The following LYZL4 variants were observed in gnomAD, a reference collection of about 807,000 sequenced individuals.
LYZL4 encodes the protein lysozyme-like protein 4.
In LYZL4, 13 loss-of-function variants were observed where a neutral mutation model predicts 17.6. The ratio of observed to expected loss-of-function variants is 0.74; its 90% CI spans 0.48 to 1.18. LYZL4 has a LOEUF of 1.18. Among genes scored for constraint, LYZL4 ranks in the 50% most tolerant of loss-of-function variants. LYZL4 has a pLI of 0.00. For synonymous variants in LYZL4, 64 were observed against 67.7 expected (o/e 0.95, Z 0.27); for missense variants, 174 against 188.2 (o/e 0.92, Z 0.44).
the LYZL4 span, among the ~76,000 whole-genome samples, chr3:42,362,656 C>T: frequency 8.5e-5 from 13 of 152,168 alleles, no homozygotes; most frequent in Non-Finnish European, 1.0e-4. Flanking sequence ...AGGGCTCCAC[C>T]CTCACGACCT....
At chr3:42,381,995 G>A in the LYZL4 span, among the ~76,000 whole-genome samples, 1,481 of 152,314 alleles carry the variant, frequency 9.7e-3, 17 homozygotes, top group African/African-American at 0.033. Context: ...ATTCCAACAA[G>A]CACTTTAAAA....
chr3:42,376,525 G>C, the LYZL4 span, among the ~76,000 whole-genome samples: 53 of 152,332 alleles, frequency 3.5e-4, no homozygotes, highest in South Asian at 0.01. Flanking sequence ...TTTGTTCTCA[G>C]GTCCCTCAGT....
downstream of LYZL4, among the ~76,000 whole-genome samples, chr3:42,395,436 G>C (rs1217279667): frequency 6.6e-6 from 1 of 152,126 alleles, no homozygotes; most frequent in East Asian, 1.9e-4. Flanking sequence ...AAAATATTGA[G>C]TGAAAAAAGG....
At chr3:42,386,410 C>CG in the LYZL4 span, among the ~76,000 whole-genome samples, 5 of 124,048 alleles carry the variant, frequency 4.0e-5, no homozygotes, top group Admixed American at 1.7e-4. Flanking sequence ...CCCCCCCCCC[C>CG]CCGCCTCCCT....
At chr3:42,401,852 A>G (rs1325355337) in intron 4 of LYZL4, among the ~76,000 whole-genome samples, 6 of 152,176 alleles carry the variant, frequency 3.9e-5, no homozygotes, top group Non-Finnish European at 7.3e-5. Context: ...AAACTTCTTT[A>G]CCTATGAGAC....
At chr3:42,370,376 C>A in the LYZL4 span, among the ~76,000 whole-genome samples, 1 of 151,028 alleles carries the variant, frequency 6.6e-6, no homozygotes, top group East Asian at 2.0e-4. Flanking sequence ...TGAGCCTGAT[C>A]AGAACACAGG....
chr3:42,364,491 C>T, the LYZL4 span, among the ~76,000 whole-genome samples: 91,763 of 151,614 alleles, frequency 0.61, 29,461 homozygotes, highest in Non-Finnish European at 0.72. Flanking sequence ...TACAGGCACT[C>T]GCCACCTCGC....
chr3:42,370,921 C>T, the LYZL4 span, among the ~76,000 whole-genome samples: 1,389 of 152,306 alleles, frequency 9.1e-3, 21 homozygotes, highest in African/African-American at 0.03. Context: ...CATTTCCAGC[C>T]TTTTCCCCAT....
chr3:42,402,188 C>T (rs1698667502), intron 4 of LYZL4, among the ~76,000 whole-genome samples: 1 of 150,494 alleles, frequency 6.6e-6, no homozygotes, highest in Non-Finnish European at 1.5e-5. Flanking sequence ...TGCCTGTTGT[C>T]CTCACTACTC....
chr3:42,385,576 T>C, the LYZL4 span, among the ~76,000 whole-genome samples: 3 of 152,180 alleles, frequency 2.0e-5, no homozygotes, highest in African/African-American at 7.2e-5. Flanking sequence ...AAGGCATGCC[T>C]GTAAATAAAT....
chr3:42,377,346 T>C, the LYZL4 span, among the ~76,000 whole-genome samples: 1 of 152,174 alleles, frequency 6.6e-6, no homozygotes, highest in Non-Finnish European at 1.5e-5. Context: ...TTTCCTTAGG[T>C]GGCAAAAGAG....
downstream of LYZL4, among the ~76,000 whole-genome samples, chr3:42,394,657 C>T (rs1698527738): frequency 1.3e-5 from 2 of 152,192 alleles, no homozygotes; most frequent in African/African-American, 4.8e-5. Flanking sequence ...ACAAGGAGAT[C>T]TGCCCCCAGA....
chr3:42,397,115 G>T lies in LYZL4; in HGVS notation c.*150C>A, dbSNP rs150326707. The T allele has an allele frequency of 2.9e-5, 17 of 592,088 alleles. No homozygotes were observed. Among genetic ancestry groups the T allele is most frequent in the East Asian group, 2.5e-4 (9 of 35,374 alleles). 36.7% of individuals were successfully genotyped at this position (592,088 alleles called of 1,614,324 possible). On this transcript the variant is annotated 3_prime_UTR_variant, in exon 5 of 5. Transcript: ENST00000287748. ...ACTAGTTTGGTTTATTCTGCATCCT[G>T]CATCCCCGGATGAAGCAAACTTTTG...
At chr3:42,399,605 A>G (rs1302912539) in intron 4 of LYZL4, among the ~76,000 whole-genome samples, 1 of 152,174 alleles carries the variant, frequency 6.6e-6, no homozygotes, top group African/African-American at 2.4e-5. Flanking sequence ...CTGGGATTCC[A>G]TGTGTGTTTT....
chr3:42,361,307 T>G, the LYZL4 span, among the ~76,000 whole-genome samples: 1 of 152,192 alleles, frequency 6.6e-6, no homozygotes, highest in East Asian at 1.9e-4. Context: ...TAGGTCTTCC[T>G]CATTCTTTGT....
the LYZL4 span, among the ~76,000 whole-genome samples, chr3:42,365,394 G>A: frequency 3.9e-5 from 6 of 152,212 alleles, no homozygotes; most frequent in East Asian, 7.7e-4. Flanking sequence ...TTTATTTCAC[G>A]CTCTCTCATC....
the LYZL4 span, among the ~76,000 whole-genome samples, chr3:42,389,978 A>G: frequency 6.6e-6 from 1 of 152,192 alleles, no homozygotes; most frequent in Admixed American, 6.5e-5. Flanking sequence ...AGTGCTACAC[A>G]TTATACGGAA....
intron 3 of LYZL4, among the ~76,000 whole-genome samples, chr3:42,406,367 T>G (rs1370144584): frequency 7.1e-6 from 1 of 140,818 alleles, no homozygotes; most frequent in Non-Finnish European, 1.5e-5. Context: ...GGCAGGAGAA[T>G]GGCACGAAGC....
At chr3:42,399,997 A>G (rs546538742) in intron 4 of LYZL4, among the ~76,000 whole-genome samples, 16 of 151,792 alleles carry the variant, frequency 1.1e-4, no homozygotes, top group African/African-American at 3.9e-4. Flanking sequence ...CAACAACCTA[A>G]TAGTTCCAAA....
Sources: gnomAD v4.1 joint callset for allele counts (sites outside exome capture counted in the v4.1 genomes callset) on GRCh38, gnomAD v4.1.1 for gene constraint, MANE v1.5 for transcripts, NCBI Gene and HGNC (gene_info 2026-07-23, HGNC 2026-07-21) for gene names.